The following CAMKV variants were observed in gnomAD, a reference collection of about 807,000 sequenced individuals.
CAMKV encodes caM kinase-like vesicle-associated protein.
CAMKV carries 5 observed loss-of-function variants against 50.2 expected under a neutral mutation model. The ratio of observed to expected loss-of-function variants is 0.10; its 90% CI spans 0.05 to 0.21. The LOEUF (loss-of-function observed/expected upper bound fraction) is 0.21. Among genes scored for constraint, CAMKV ranks in the 10% least tolerant of loss-of-function variants. The pLI is 1.00. For synonymous variants in CAMKV, 229 were observed against 250.1 expected (o/e 0.92, Z 0.80); for missense variants, 361 against 650.5 (o/e 0.55, Z 4.84).
chr3:49,860,803 CATA>C lies in CAMKV; in HGVS notation c.685_687del (p.Tyr229del). The C allele has an allele frequency of 6.2e-7, 1 of 1,614,144 alleles. No individual in the cohort carries two copies. Among genetic ancestry groups the C allele is most frequent in the Non-Finnish European group, 8.5e-7 (1 of 1,180,014 alleles). On this transcript the variant is annotated inframe_deletion, in exon 8 of 11. Coordinates refer to ENST00000477224, the MANE Select transcript of CAMKV (RefSeq NM_024046.5). The surrounding 1 kb of genome is among the most constrained non-coding windows in gnomAD (Gnocchi z 6.1). The stretch of plus-strand genomic sequence containing the variant: ...CGGAAGAGATTCTTATCATGGTTCT[CATA>C]ATCATCTTCTTCCACCTCCTCATAG...
rs576559311 is a variant in CAMKV at position 49,862,553 on chromosome 3, T to A, written c.-14-151A>T. The A allele has an allele frequency of 1.5e-6, 1 of 664,854 alleles. No homozygotes were observed. The highest frequency in any genetic ancestry group is 2.6e-6 in the Non-Finnish European group (1 of 380,328). 41.2% of individuals were successfully genotyped at this position (664,854 alleles called of 1,614,324 possible). ...CTAGAGGATAGGCAGGCTTAGATCC[T>A]ACCCCTGCTTTTCTGGCTAGACATC... On this transcript the variant is annotated intron_variant, in intron 1 of 10. Coordinates refer to ENST00000477224, the MANE Select transcript of CAMKV (RefSeq NM_024046.5). This position sits in a 1 kb window ranked among gnomAD's most constrained non-coding sequence, Gnocchi z 5.2.
chr3:49,860,996 C>A lies in CAMKV; in HGVS notation c.585G>T (p.Gln195His). ...EYLAPEVVGR[Q>H]RYGRPVDCWA... is the part of the protein sequence containing the mutation. Reference sequence around the variant, plus strand: ...AGCAGTCCACAGGGCGTCCATACCGCTGCCGGCCTACCACCTCTGGGGCTA... The same window carrying A: ...AGCAGTCCACAGGGCGTCCATACCGATGCCGGCCTACCACCTCTGGGGCTA... Residue 195 changes from glutamine to histidine, a missense_variant, in exon 7 of 11, where the codon CAG (glutamine) becomes CAT (histidine). By Grantham distance (24) the Gln-to-His change is conservative. Transcript: ENST00000477224. The surrounding 1 kb of genome is among the most constrained non-coding windows in gnomAD (Gnocchi z 6.1). 1 of 1,614,142 alleles carries A rather than the reference C, an allele frequency of 6.2e-7. No homozygotes were observed. Among genetic ancestry groups the A allele is most frequent in the Non-Finnish European group, 8.5e-7 (1 of 1,180,030 alleles).
chr3:49,859,443 C>G lies in CAMKV; in HGVS notation c.1381G>C (p.Glu461Gln). Reference protein sequence around the residue: ...MLATKAAATPEPAMAQPDSTA... With the variant: ...MLATKAAATPQPAMAQPDSTA... Reference sequence around the variant, plus strand: ...CTGTCCGGCTGGGCCATAGCCGGCTCAGGGGTGGCAGCTGCCTTGGTGGCC... The same window carrying G: ...CTGTCCGGCTGGGCCATAGCCGGCTGAGGGGTGGCAGCTGCCTTGGTGGCC... Residue 461 changes from glutamate to glutamine, a missense_variant, in exon 11 of 11, where the codon GAG becomes CAG. This residue lies in a region of CAMKV where 75 missense variants were observed against 84.2 expected (regional missense o/e 0.89). Transcript: ENST00000477224. This position sits in a 1 kb window ranked among gnomAD's most constrained non-coding sequence, Gnocchi z 5.5. The G allele has an allele frequency of 3.1e-6, 5 of 1,613,662 alleles. No homozygotes were observed. Among genetic ancestry groups the G allele is most frequent in the Non-Finnish European group, 4.2e-6 (5 of 1,179,638 alleles).
chr3:49,861,591 G>A lies in CAMKV; in HGVS notation c.303-14C>T. The A allele has an allele frequency of 6.2e-7, 1 of 1,613,974 alleles. No homozygotes were observed. Among genetic ancestry groups the A allele is most frequent in the Non-Finnish European group, 8.5e-7 (1 of 1,180,016 alleles). On this transcript the variant is annotated splice_polypyrimidine_tract_variant and intron_variant, in intron 4 of 10. Coordinates refer to ENST00000477224, the MANE Select transcript of CAMKV (RefSeq NM_024046.5). This position sits in a 1 kb window ranked among gnomAD's most constrained non-coding sequence, Gnocchi z 7.7. Reference sequence around the variant, plus strand: ...CTCCCCGTGGCCCTGAGGGACACCAGCCCCTGAGCCTGGCGTGGGCAGAAT... The same window carrying A: ...CTCCCCGTGGCCCTGAGGGACACCAACCCCTGAGCCTGGCGTGGGCAGAAT...
At chr3:49,865,824 A>C (rs2082060203) in intron 1 of CAMKV, among the ~76,000 whole-genome samples, 1 of 151,492 alleles carries the variant, frequency 6.6e-6, no homozygotes, top group Non-Finnish European at 1.5e-5. Context: ...CCCCCACCCC[A>C]CTCCAACAGC....
rs1446975655 is a variant in CAMKV, at chr3:49,861,856, A to C, written c.237T>G (p.His79Gln). Residue 79 changes from histidine (H) to glutamine (Q), a missense_variant, in exon 4 of 11, where the codon CAT becomes CAG. This residue lies in a region of CAMKV where 172 missense variants were observed against 414.3 expected (regional missense o/e 0.42). Transcript: ENST00000477224. This position sits in a 1 kb window ranked among gnomAD's most constrained non-coding sequence, Gnocchi z 7.7. ...NEIGILKMVK[H>Q]PNILQLVDVF... ...CATCCACCAGCTGTAGGATGTTGGG[A>C]TGCTTCACCCTGGCGACAGGGAGGG... is the stretch of plus-strand genomic sequence containing the variant. The C allele has an allele frequency of 6.2e-7, 1 of 1,613,834 alleles. No homozygotes were observed. The highest frequency in any genetic ancestry group is 1.7e-5 in the Admixed American group (1 of 60,026).
At position 49,861,117 on chromosome 3, in the gene CAMKV, C is replaced by G; in HGVS notation, c.562+63G>C. 5.0e-6 allele frequency: 8 copies of G among 1,591,044 alleles called. No homozygotes were observed. Among genetic ancestry groups the G allele is most frequent in the Non-Finnish European group, 6.8e-6 (8 of 1,168,016 alleles). ...GAGATGAGCACATTTTCCCCCTGCC[C>G]AGAGCAGCTCCCTGAAGGCTGCCCC... On this transcript the variant is annotated intron_variant, in intron 6 of 10. Coordinates refer to ENST00000477224, the MANE Select transcript of CAMKV (RefSeq NM_024046.5). This position sits in a 1 kb window ranked among gnomAD's most constrained non-coding sequence, Gnocchi z 7.7.
rs1414736700 is a variant in CAMKV, at chr3:49,869,728, GA to G, written c.-15+29del. 1 of 152,204 alleles carries G rather than the reference GA, an allele frequency of 6.6e-6. No individual in the cohort carries two copies. Among genetic ancestry groups the G allele is most frequent in the Non-Finnish European group, 1.5e-5 (1 of 68,062 alleles). The allele number at this position is 152,204 out of a possible 1,614,324, so 9.4% of individuals were successfully genotyped here. A position where few individuals can be genotyped will look rare whatever the true frequency, so the allele number is the denominator to read the frequency against. ...CCAAGGCCCCACAACCTGCGTTCGG[GA>G]AGCGCCCCCAGCCCGGCCCGCCCCG... On this transcript the variant is annotated intron_variant, in intron 1 of 10. Coordinates refer to ENST00000477224, the MANE Select transcript of CAMKV (RefSeq NM_024046.5). The surrounding 1 kb of genome is among the most constrained non-coding windows in gnomAD (Gnocchi z 5.2).
At position 49,862,741 on chromosome 3, in the gene CAMKV, C is replaced by T. The variant is rs2082032624; in HGVS notation, c.-14-339G>A. Among the ~76,000 whole-genome samples the T allele has an allele frequency of 2.0e-5, 3 of 152,230 alleles. No homozygotes were observed. The highest frequency in any genetic ancestry group is 4.4e-5 in the Non-Finnish European group (3 of 68,042). On this transcript the variant is annotated intron_variant, in intron 1 of 10. Coordinates refer to ENST00000477224, the MANE Select transcript of CAMKV (RefSeq NM_024046.5). This position sits in a 1 kb window ranked among gnomAD's most constrained non-coding sequence, Gnocchi z 5.2. Reference sequence around the variant, plus strand: ...ATTTTACAGATGAAGGGGGCTATAACCACCCACCCACCTGCTAGTCATCTC... The same window carrying T: ...ATTTTACAGATGAAGGGGGCTATAATCACCCACCCACCTGCTAGTCATCTC...
Position 49,860,096 on chromosome 3 carries a change from G to A in CAMKV, c.942+75C>T. On this transcript the variant is annotated intron_variant, in intron 10 of 10. Coordinates refer to ENST00000477224, the MANE Select transcript of CAMKV (RefSeq NM_024046.5). This position sits in a 1 kb window ranked among gnomAD's most constrained non-coding sequence, Gnocchi z 6.1. ...AAAGCTTGTGTGTGGCTGCAGGGGTGTGATGCAGGCAAGAAACTGAGTGCC... is the reference window on the plus strand; with the variant it reads ...AAAGCTTGTGTGTGGCTGCAGGGGTATGATGCAGGCAAGAAACTGAGTGCC... 9 of 1,335,744 alleles carry A rather than the reference G, an allele frequency of 6.7e-6. No individual in the cohort carries two copies. Among genetic ancestry groups the A allele is most frequent in the Non-Finnish European group, 9.7e-6 (9 of 928,340 alleles). 82.7% of individuals were successfully genotyped at this position (1,335,744 alleles called of 1,614,324 possible). A position where few individuals can be genotyped will look rare whatever the true frequency, so the allele number is the denominator to read the frequency against.
rs1209166103 is a variant in CAMKV, at chr3:49,858,492, A to G, written c.*826T>C. 3 of 396,364 alleles carry G rather than the reference A, an allele frequency of 7.6e-6. No homozygotes were observed. The highest frequency in any genetic ancestry group is 1.3e-5 in the Non-Finnish European group (3 of 225,272). 24.6% of individuals were successfully genotyped at this position (396,364 alleles called of 1,614,324 possible). On this transcript the variant is annotated 3_prime_UTR_variant, in exon 11 of 11. Transcript: ENST00000477224. ...CCTCCCTGTTTGGCCCAGGGTAAGG[A>G]CCCAGTAAGGCTGGGACACTGGGTG... is the stretch of plus-strand genomic sequence containing the variant.
At position 49,861,106 on chromosome 3, in the gene CAMKV, T is replaced by C. The variant is rs1295446232; in HGVS notation, c.562+74A>G. 4 of 1,597,410 alleles carry C rather than the reference T, an allele frequency of 2.5e-6. No homozygotes were observed. The highest frequency in any genetic ancestry group is 2.3e-5 in the East Asian group (1 of 44,324). ...ACCAGCTTCCTGAGATGAGCACATTTTCCCCCTGCCCAGAGCAGCTCCCTG... is the reference window on the plus strand; with the variant it reads ...ACCAGCTTCCTGAGATGAGCACATTCTCCCCCTGCCCAGAGCAGCTCCCTG... On this transcript the variant is annotated intron_variant, in intron 6 of 10. Coordinates refer to ENST00000477224, the MANE Select transcript of CAMKV (RefSeq NM_024046.5). The surrounding 1 kb of genome is among the most constrained non-coding windows in gnomAD (Gnocchi z 7.7).
At position 49,859,826 on chromosome 3, in the gene CAMKV, C is replaced by T. The variant is rs1360279426; in HGVS notation, c.998G>A (p.Ser333Asn). The T allele has an allele frequency of 6.5e-7, 1 of 1,529,426 alleles. No homozygotes were observed. Among genetic ancestry groups the T allele is most frequent in the African/African-American group, 1.4e-5 (1 of 73,076 alleles). The allele number at this position is 1,529,426 out of a possible 1,614,324, so 94.7% of individuals were successfully genotyped here. Residue 333 changes from serine to asparagine, a missense_variant, in exon 11 of 11, where the codon AGC becomes AAC. Around this residue, in one of 4 missense-constraint regions of CAMKV, gnomAD observed 87 missense variants for 92.0 expected, o/e 0.95. Transcript: ENST00000477224. This position sits in a 1 kb window ranked among gnomAD's most constrained non-coding sequence, Gnocchi z 5.5. ...TGAGGCCGACTGGGCTGCAGCCGTG[C>T]TGGACTGCTCTGGTGCCCGGAGCCG... is the stretch of plus-strand genomic sequence containing the variant. ...MKRLRAPEQS[S>N]TAAAQSASAT...
rs2082023163 is a variant in CAMKV at position 49,861,723 on chromosome 3, C to T, written c.302+68G>A. 2.4e-5 allele frequency: 38 copies of T among 1,598,070 alleles called. No homozygotes were observed. The highest frequency in any genetic ancestry group is 3.1e-5 in the Non-Finnish European group (36 of 1,166,798). On this transcript the variant is annotated intron_variant, in intron 4 of 10. Transcript: ENST00000477224. This position sits in a 1 kb window ranked among gnomAD's most constrained non-coding sequence, Gnocchi z 7.7. Reference sequence around the variant, plus strand: ...GGGTCCAGAAAGGGGGTTTCCTTAGCTGCAGAGGGTGGGACAGGTGAAAGC... The same window carrying T: ...GGGTCCAGAAAGGGGGTTTCCTTAGTTGCAGAGGGTGGGACAGGTGAAAGC...
chr3:49,861,083 C>A lies in CAMKV; in HGVS notation c.563-65G>T. The A allele has an allele frequency of 1.2e-6, 2 of 1,608,626 alleles. No homozygotes were observed. Among genetic ancestry groups the A allele is most frequent in the South Asian group, 1.1e-5 (1 of 90,528 alleles). On this transcript the variant is annotated intron_variant, in intron 6 of 10. Transcript: ENST00000477224. This position sits in a 1 kb window ranked among gnomAD's most constrained non-coding sequence, Gnocchi z 7.7. ...TAGCCAGGTCCAGTACCATCCACAC[C>A]AGCTTCCTGAGATGAGCACATTTTC...
At position 49,869,086 on chromosome 3, in the gene CAMKV, G is replaced by C. The variant is rs2082086714; in HGVS notation, c.-15+672C>G. 6.6e-6 allele frequency among the ~76,000 whole-genome samples: 1 copy of C among 152,166 alleles called. No homozygotes were observed. Among genetic ancestry groups the C allele is most frequent in the Non-Finnish European group, 1.5e-5 (1 of 68,012 alleles). ...CACCCTGACCCCTTTCCCAAGTGCT[G>C]CTGGCTCGCCCCCGCTGGCACAGCA... On this transcript the variant is annotated intron_variant, in intron 1 of 10. Transcript: ENST00000477224. The surrounding 1 kb of genome is among the most constrained non-coding windows in gnomAD (Gnocchi z 5.2).
chr3:49,860,894 G>C lies in CAMKV; in HGVS notation c.639-42C>G, dbSNP rs978016289. 3 of 1,613,590 alleles carry C rather than the reference G, an allele frequency of 1.9e-6. No homozygotes were observed. Among genetic ancestry groups the C allele is most frequent in the Non-Finnish European group, 2.5e-6 (3 of 1,179,772 alleles). On this transcript the variant is annotated intron_variant, in intron 7 of 10. Transcript: ENST00000477224. This position sits in a 1 kb window ranked among gnomAD's most constrained non-coding sequence, Gnocchi z 6.1. ...TCACACAGAAAGGCCACAGACACAT[G>C]CCCCCACCCCATCTGACTGCAAGCC...
Position 49,859,470 on chromosome 3 carries a change from G to T in CAMKV, c.1354C>A (p.Leu452Met), listed in dbSNP as rs2082002086. Residue 452 changes from leucine to methionine, a missense_variant, in exon 11 of 11, where the codon CTG becomes ATG. Transcript: ENST00000477224. This position sits in a 1 kb window ranked among gnomAD's most constrained non-coding sequence, Gnocchi z 5.5. The stretch of plus-strand genomic sequence containing the variant: ...GGGGTGGCAGCTGCCTTGGTGGCCA[G>T]CATGGCACTGCTTTGGGTGGTGGGC... ...TVPTTQSSAMLATKAAATPEP... is the reference protein window; with the variant it reads ...TVPTTQSSAMMATKAAATPEP... 4 of 1,614,160 alleles carry T rather than the reference G, an allele frequency of 2.5e-6. No homozygotes were observed. The highest frequency in any genetic ancestry group is 1.7e-4 in the Middle Eastern group (1 of 6,060).
In CAMKV at chr3:49,859,420, G is replaced by C; in HGVS notation, c.1404C>G (p.Asp468Glu). ...CTGTGGCGCCCTCTGGGGCTGTGCT[G>C]TCCGGCTGGGCCATAGCCGGCTCAG... ...ATPEPAMAQP[D>E]STAPEGATGQ... The change falls in exon 11 of 11, where the codon GAC (aspartate) becomes GAG (glutamate). Residue 468 changes from aspartate to glutamate, a missense_variant. Around this residue, in one of 4 missense-constraint regions of CAMKV, gnomAD observed 75 missense variants for 84.2 expected, o/e 0.89. Coordinates refer to ENST00000477224, the MANE Select transcript of CAMKV (RefSeq NM_024046.5). The surrounding 1 kb of genome is among the most constrained non-coding windows in gnomAD (Gnocchi z 5.5). 6.2e-7 allele frequency: 1 copy of C among 1,611,670 alleles called. No individual in the cohort carries two copies.
Sources: gnomAD v4.1 joint callset for allele counts (sites outside exome capture counted in the v4.1 genomes callset) on GRCh38, gnomAD v4.1.1 for gene constraint, gnomAD v4.1.1 regional missense constraint, Gnocchi (gnomAD v3.1) non-coding constraint, MANE v1.5 for transcripts, NCBI Gene and HGNC (gene_info 2026-07-23, HGNC 2026-07-21) for gene names.